Variants in DPYSL4 observed in about 807,000 individuals in gnomAD.
DPYSL4 encodes dihydropyrimidinase-related protein 4.
A neutral mutation model predicts 63.4 loss-of-function variants in DPYSL4; 43 were observed. The ratio of observed to expected loss-of-function variants is 0.68; its 90% CI spans 0.53 to 0.88. The LOEUF (loss-of-function observed/expected upper bound fraction) is 0.88. Ranked by LOEUF, DPYSL4 falls within the 40% of genes least tolerant of loss-of-function variation. DPYSL4 has a pLI of 0.00. For missense variants in DPYSL4, 733 were observed against 819.5 expected (o/e 0.89, Z 1.29); for synonymous variants, 353 against 331.7 (o/e 1.06, Z -0.70).
At chr10:132,196,201 C>T (rs1384809715) in intron 4 of DPYSL4, among the ~76,000 whole-genome samples, 2 of 152,240 alleles carry the variant, frequency 1.3e-5, no homozygotes, top group Non-Finnish European at 2.9e-5. Flanking sequence ...ATCCTGCCTC[C>T]AGGCCCAGGC....
intron 1 of DPYSL4, among the ~76,000 whole-genome samples, chr10:132,187,619 C>G (rs566648270): frequency 3.8e-4 from 58 of 152,336 alleles, no homozygotes; most frequent in African/African-American, 1.4e-3. Flanking sequence ...GTCGGGAGCT[C>G]TTTGTCCGAG....
In DPYSL4 at chr10:132,204,976, C is replaced by T. The variant is rs763342700; in HGVS notation, c.*46C>T. The T allele has an allele frequency of 8.5e-6, 13 of 1,524,480 alleles. No homozygotes were observed. Among genetic ancestry groups the T allele is most frequent in the South Asian group, 6.2e-5 (5 of 81,088 alleles). 94.4% of individuals were successfully genotyped at this position (1,524,480 alleles called of 1,614,324 possible). On this transcript the variant is annotated 3_prime_UTR_variant, in exon 14 of 14. Transcript: ENST00000338492. Reference sequence around the variant, plus strand: ...GAGCCGTGCTGGCCCCACCCGAGGCCGCGGGGGCCCCAGGGCACTCGCCCC... The same window carrying T: ...GAGCCGTGCTGGCCCCACCCGAGGCTGCGGGGGCCCCAGGGCACTCGCCCC...
chr10:132,195,627 C>CCTGAAGGAGGCAGGGGCATTTCTT (rs1303896968), intron 4 of DPYSL4, among the ~76,000 whole-genome samples: 2 of 152,230 alleles, frequency 1.3e-5, no homozygotes, highest in Non-Finnish European at 2.9e-5. Context: ...CCCCTACAGA[C>CCTGAAGGAGGCAGGGGCATTTCTT]CTGAAGGAGG....
Position 132,202,789 on chromosome 10 carries a change from G to T in DPYSL4, c.1425G>T (p.Pro475=). 3 of 1,609,510 alleles carry T rather than the reference G, an allele frequency of 1.9e-6. No individual in the cohort carries two copies. Among genetic ancestry groups the T allele is most frequent in the Non-Finnish European group, 2.5e-6 (3 of 1,178,046 alleles). ...GCTTCGTCCCTCGGAAAACATTCCC[G>T]GACTTTGTCTACAAGAGGATCAAAG... ...AGRFVPRKTF[P]DFVYKRIKAR... Residue 475 remains proline (P), a synonymous_variant, in exon 12 of 14, where the codon CCG becomes CCT. Coordinates refer to ENST00000338492, the MANE Select transcript of DPYSL4 (RefSeq NM_006426.3).
chr10:132,199,075 G>A, intron 8 of DPYSL4, 104 bp downstream of exon 8: 1 of 1,454,236 alleles, frequency 6.9e-7, no homozygotes, highest in East Asian at 2.4e-5. Flanking sequence ...ATCGGGGCGG[G>A]GCACTGGACC....
At chr10:132,198,627 G>C in intron 7 of DPYSL4, 144 bp downstream of exon 7, 1 of 1,068,260 alleles carries the variant, frequency 9.4e-7, no homozygotes, top group Middle Eastern at 2.9e-4. Flanking sequence ...AATCCTCCCC[G>C]TGCCAGGCAC....
chr10:132,191,080 T>C (rs1014518318), intron 2 of DPYSL4, among the ~76,000 whole-genome samples: 5 of 134,636 alleles, frequency 3.7e-5, no homozygotes, highest in Admixed American at 1.5e-4. Context: ...CAGGTGCAAA[T>C]AGTTCCCAGC....
Position 132,200,513 on chromosome 10 carries a change from G to A in DPYSL4, c.968+1G>A. The A allele has an allele frequency of 6.2e-7, 1 of 1,612,666 alleles. No homozygotes were observed. The stretch of plus-strand genomic sequence containing the variant: ...ACCACCTCACCTGCTTGCTGTCCAG[G>A]TAAGCAGCCTCTCCAGGTGGCCCCA... On this transcript the variant is annotated splice_donor_variant, in intron 9 of 13. Coordinates refer to ENST00000338492, the MANE Select transcript of DPYSL4 (RefSeq NM_006426.3). LOFTEE classifies it high-confidence loss of function.
In DPYSL4 at chr10:132,187,084, A is replaced by C; in HGVS notation, c.21A>C (p.Lys7Asn). MSFQGKKSIPRITSDRL... is the reference protein window; with the variant it reads MSFQGKNSIPRITSDRL... ...GCAGGATGTCCTTCCAGGGCAAGAA[A>C]AGCATCCCCCGGATCACGGTGAGCC... The change falls in exon 1 of 14, where the codon AAA (lysine) becomes AAC (asparagine). Residue 7 changes from lysine to asparagine, a missense_variant. Lys to Asn is a moderately conservative substitution (Grantham distance 94, BLOSUM62 0). Transcript: ENST00000338492. 1 of 1,409,910 alleles carries C rather than the reference A, an allele frequency of 7.1e-7. No individual in the cohort carries two copies. Among genetic ancestry groups the C allele is most frequent in the Non-Finnish European group, 9.5e-7 (1 of 1,054,368 alleles). The allele number at this position is 1,409,910 out of a possible 1,614,324, so 87.3% of individuals were successfully genotyped here.
intron 8 of DPYSL4, among the ~76,000 whole-genome samples, chr10:132,199,422 C>CT (rs1187888138): frequency 6.6e-6 from 1 of 151,922 alleles, no homozygotes; most frequent in African/African-American, 2.4e-5. Context: ...GGGTGCCACC[C>CT]AGAGCTGTGA....
chr10:132,201,591 C>G (rs573740284), intron 10 of DPYSL4, among the ~76,000 whole-genome samples: 1 of 152,344 alleles, frequency 6.6e-6, no homozygotes, highest in East Asian at 1.9e-4. Flanking sequence ...ACCAGTGCAG[C>G]GTTCTTACCC....
intron 13 of DPYSL4, among the ~76,000 whole-genome samples, chr10:132,204,536 G>A (rs1032925439): frequency 1.3e-5 from 2 of 152,162 alleles, no homozygotes; most frequent in African/African-American, 2.4e-5. Context: ...TTCATCACCC[G>A]GAACCCAGAG....
chr10:132,195,321 T>C (rs2061928922), intron 4 of DPYSL4, among the ~76,000 whole-genome samples: 1 of 152,200 alleles, frequency 6.6e-6, no homozygotes, highest in Non-Finnish European at 1.5e-5. Context: ...TCTCCTAGCA[T>C]CTGGGGATCC....
rs767168873 is a variant in DPYSL4, at chr10:132,194,973, A to T, written c.442A>T (p.Ile148Phe). The change falls in exon 4 of 14, where the codon ATC (isoleucine) becomes TTC (phenylalanine). Residue 148 changes from isoleucine (I) to phenylalanine (F), a missense_variant. Transcript: ENST00000338492. ...GGACATCACCCGATGGCATGAGAGC[A>T]TCAAGGAGGAGCTGGAGGCCCTGGT... is the stretch of plus-strand genomic sequence containing the variant. ...HVDITRWHESIKEELEALVKE... is the reference protein window; with the variant it reads ...HVDITRWHESFKEELEALVKE... The T allele has an allele frequency of 3.7e-6, 6 of 1,609,210 alleles. No homozygotes were observed. Among genetic ancestry groups the T allele is most frequent in the Non-Finnish European group, 5.1e-6 (6 of 1,179,872 alleles).
At chr10:132,199,575 G>C (rs1175791137) in intron 8 of DPYSL4, among the ~76,000 whole-genome samples, 2 of 151,968 alleles carry the variant, frequency 1.3e-5, no homozygotes, top group African/African-American at 2.4e-5. Flanking sequence ...GCATCCCCTA[G>C]GCGGCCTCTG....
At chr10:132,198,718 G>C (rs769330901) in intron 7 of DPYSL4, 133 bp from the exon 8 acceptor site, 8 of 1,394,818 alleles carry the variant, frequency 5.7e-6, no homozygotes, top group Non-Finnish European at 6.8e-6. Flanking sequence ...CACTGAGCCC[G>C]AGGCTGGGCC....
rs146262105 is a variant in DPYSL4 at position 132,202,942 on chromosome 10, C to A, written c.1461+117C>A. On this transcript the variant is annotated intron_variant, in intron 12 of 13. Transcript: ENST00000338492. Reference sequence around the variant, plus strand: ...CTCCCGAGGGGTCAGGAAGACAGAGCGGGGCCGCTGCTTGCCCAGGGCCCT... The same window carrying A: ...CTCCCGAGGGGTCAGGAAGACAGAGAGGGGCCGCTGCTTGCCCAGGGCCCT... The A allele has an allele frequency of 3.1e-4, 399 of 1,273,072 alleles. 4 individuals are homozygous for A. The East Asian group carries it at 9.1e-3, about 29-fold the overall frequency. 78.9% of individuals were successfully genotyped at this position (1,273,072 alleles called of 1,614,324 possible).
intron 4 of DPYSL4, among the ~76,000 whole-genome samples, chr10:132,195,983 C>G (rs2061938131): frequency 6.6e-6 from 1 of 152,240 alleles, no homozygotes; most frequent in South Asian, 2.1e-4. Context: ...AGGGACAGCA[C>G]TGCGCAACCC....
At chr10:132,203,959 A>AG in intron 13 of DPYSL4, 32 bp downstream of exon 13, 1 of 1,574,798 alleles carries the variant, frequency 6.4e-7, no homozygotes, top group Non-Finnish European at 8.7e-7. Flanking sequence ...AGTGGGGGTG[A>AG]GGGGCTCTGC....
Sources: allele counts gnomAD v4.1 joint callset (sites outside exome capture counted in the v4.1 genomes callset), GRCh38; gene constraint gnomAD v4.1.1; transcripts MANE v1.5; gene names NCBI Gene and HGNC (gene_info 2026-07-23, HGNC 2026-07-21).